The following NPC1 variants were observed in gnomAD, a reference collection of about 807,000 sequenced individuals.
NPC1 encodes the protein Niemann-Pick C1 protein.
Under a neutral mutation model 140.4 loss-of-function variants are expected in NPC1, and 85 were observed. The observed-to-expected ratio is 0.61, with a 90% CI of 0.51 to 0.72. NPC1 has a LOEUF of 0.72. Ranked by LOEUF, NPC1 falls within the 30% of genes least tolerant of loss-of-function variation. The pLI, the probability that NPC1 is intolerant of heterozygous loss-of-function variation, is 0.00. For synonymous variants in NPC1, 656 were observed against 624.8 expected (o/e 1.05, Z -0.74); for missense variants, 1,504 against 1,623.8 (o/e 0.93, Z 1.27).
downstream of NPC1, chr18:23,524,588 C>T (rs751488080): frequency 6.9e-6 from 8 of 1,165,880 alleles, no homozygotes; most frequent in African/African-American, 1.6e-5. Flanking sequence ...GAAATGACCC[C>T]TCCTTTCAAG....
intron 23 of NPC1, 65 bp from the exon 24 acceptor site, chr18:23,533,582 CT>C: frequency 6.7e-7 from 1 of 1,485,172 alleles, no homozygotes; most frequent in Non-Finnish European, 9.4e-7. Context: ...AAAACACTTC[CT>C]TACAAGGATT....
Position 23,541,349 on chromosome 18 carries a change from G to C in NPC1, c.2330C>G (p.Thr777Ser). 1 of 1,614,194 alleles carries C rather than the reference G, an allele frequency of 6.2e-7. No homozygotes were observed. Among genetic ancestry groups the C allele is most frequent in the Non-Finnish European group, 8.5e-7 (1 of 1,180,042 alleles). The change falls in exon 15 of 25, where the codon ACC becomes AGC. Residue 777 changes from threonine (T) to serine (S), a missense_variant. Transcript: ENST00000269228. ...AVFIDFLLQI[T>S]CFVSLLGLDI... ...TAACCCCAAGAGACTCACGAAACAG[G>C]TAATCTGCAGAAGAAAGTCAATGAA...
chr18:23,585,267 G>A (rs575334248), intron 1 of NPC1, among the ~76,000 whole-genome samples: 133 of 152,222 alleles, frequency 8.7e-4, no homozygotes, highest in Middle Eastern at 6.8e-3. Flanking sequence ...TTTTTAAGAC[G>A]GTGTTTCACC....
chr18:23,540,495 G>C lies in NPC1; in HGVS notation c.2557C>G (p.Leu853Val), dbSNP rs2058698893. 6.2e-7 allele frequency: 1 copy of C among 1,612,616 alleles called. No individual in the cohort carries two copies. Among genetic ancestry groups the C allele is most frequent in the Non-Finnish European group, 8.5e-7 (1 of 1,179,296 alleles). ...TCCAATCCAATATCTACTTTGTTCA[G>C]GACTGCGATGCTGAATGACAGAACA... Reference protein sequence around the residue: ...VGVLSFSIAVLNKVDIGLDQS... With the variant: ...VGVLSFSIAVVNKVDIGLDQS... Residue 853 changes from leucine (L) to valine (V), a missense_variant, in exon 17 of 25, where the codon CTG becomes GTG. Leu to Val is a conservative substitution (Grantham distance 32). Coordinates refer to ENST00000269228, the MANE Select transcript of NPC1 (RefSeq NM_000271.5).
intron 4 of NPC1, among the ~76,000 whole-genome samples, chr18:23,562,879 CAATAT>C (rs1195082472): frequency 1.3e-5 from 2 of 152,012 alleles, no homozygotes; most frequent in Non-Finnish European, 2.9e-5. Context: ...ATATAATTTA[CAATAT>C]AATTACATGT....
chr18:23,531,080 C>T (rs548178739), downstream of NPC1, among the ~76,000 whole-genome samples: 5 of 151,160 alleles, frequency 3.3e-5, no homozygotes, highest in South Asian at 2.1e-4. Flanking sequence ...CTGCAACCTC[C>T]GCTGGGTTCA....
intron 13 of NPC1, among the ~76,000 whole-genome samples, chr18:23,543,896 C>A (rs2058747082): frequency 6.6e-6 from 1 of 152,264 alleles, no homozygotes; most frequent in East Asian, 1.9e-4. Context: ...GTCTACAGGA[C>A]GACTGAGACC....
intron 10 of NPC1, among the ~76,000 whole-genome samples, chr18:23,549,170 C>G (rs2058831538): frequency 6.6e-6 from 1 of 152,176 alleles, no homozygotes; most frequent in East Asian, 1.9e-4. Context: ...AACTGCCTTC[C>G]AAAGAAGCTT....
intron 10 of NPC1, 55 bp downstream of exon 10, chr18:23,551,572 G>A: frequency 7.5e-7 from 1 of 1,338,266 alleles, no homozygotes; most frequent in Non-Finnish European, 1.1e-6. Flanking sequence ...TGATGCTAAT[G>A]ACAAAACCGA....
Position 23,586,308 on chromosome 18 carries a change from C to T in NPC1, c.36G>A (p.Leu12=), listed in dbSNP as rs1599033687. The T allele has an allele frequency of 2.0e-6, 3 of 1,534,088 alleles. No individual in the cohort carries two copies. The highest frequency in any genetic ancestry group is 2.6e-6 in the Non-Finnish European group (3 of 1,146,288). The change falls in exon 1 of 25, where the codon CTG becomes CTA. Residue 12 remains leucine, a synonymous_variant. Coordinates refer to ENST00000269228, the MANE Select transcript of NPC1 (RefSeq NM_000271.5). ...TCACCTGCGCTGGACACAGTAGCAG[C>T]AGGAGGAGGCCAAGGGCCAGGCCGC... The part of the protein sequence containing the change: ...TARGLALGLL[L]LLLCPAQVFS...
downstream of NPC1, chr18:23,528,448 G>C (rs1388036073): frequency 6.5e-6 from 1 of 153,628 alleles, no homozygotes; most frequent in Admixed American, 6.4e-5. Flanking sequence ...CAGAAGAAAA[G>C]TTTAGGACAA....
chr18:23,565,017 A>C (rs1247844735), intron 4 of NPC1, among the ~76,000 whole-genome samples: 3 of 152,196 alleles, frequency 2.0e-5, no homozygotes, highest in African/African-American at 7.2e-5. Context: ...GTTATATTCC[A>C]TTGATCTATA....
At chr18:23,568,764 A>C in intron 4 of NPC1, 59 bp downstream of exon 4, 1 of 1,373,794 alleles carries the variant, frequency 7.3e-7, no homozygotes, top group Non-Finnish European at 1.0e-6. Context: ...TAAAAGGAAC[A>C]ATTTGCTCTG....
chr18:23,522,619 T>G (rs1264665483), exon 2 of NPC1: 2 of 152,328 alleles, frequency 1.3e-5, no homozygotes, highest in South Asian at 2.1e-4. Context: ...TCAGCTCTGT[T>G]CCGGTGGTAC....
At chr18:23,543,593 ATGCGACATT>A in intron 13 of NPC1, 24 bp from the exon 14 acceptor site, 25 of 1,253,100 alleles carry the variant, frequency 2.0e-5, no homozygotes, top group Non-Finnish European at 2.9e-5. Context: ...AAAAAAAATT[ATGCGACATT>A]AAAATTTCTC....
Position 23,569,703 on chromosome 18 carries a change from G to A in NPC1, c.288-705C>T, listed in dbSNP as rs921267982. 2.0e-5 allele frequency among the ~76,000 whole-genome samples: 3 copies of A among 152,162 alleles called. No individual in the cohort carries two copies. In the East Asian group the frequency reaches 5.8e-4, roughly 29 times the overall value. On this transcript the variant is annotated intron_variant, in intron 3 of 24. Coordinates refer to ENST00000269228, the MANE Select transcript of NPC1 (RefSeq NM_000271.5). ...AACCTATTGAAAGGTTTTCTTTCAA[G>A]CCCCGGAAAATCACTAGGCCCTCCT... is the stretch of plus-strand genomic sequence containing the variant.
At chr18:23,518,755 T>C, downstream of NPC1, 1 of 707,704 alleles carries the variant, frequency 1.4e-6, no homozygotes, top group Middle Eastern at 3.0e-4. Flanking sequence ...ACTGCATGTT[T>C]CTTTGTAAAC....
downstream of NPC1, among the ~76,000 whole-genome samples, chr18:23,527,012 G>A (rs2145267268): frequency 6.6e-6 from 1 of 152,230 alleles, no homozygotes; most frequent in Non-Finnish European, 1.5e-5. Context: ...CAGGAGGGGA[G>A]TGGGCCACCA....
chr18:23,564,612 T>C (rs1206474205), intron 4 of NPC1, among the ~76,000 whole-genome samples: 1 of 152,218 alleles, frequency 6.6e-6, no homozygotes, highest in Non-Finnish European at 1.5e-5. Flanking sequence ...TGTGAGTCAC[T>C]GTGCCCGGCC....
Sources: gnomAD v4.1 joint callset for allele counts (sites outside exome capture counted in the v4.1 genomes callset) on GRCh38, gnomAD v4.1.1 for gene constraint, MANE v1.5 for transcripts, NCBI Gene and HGNC (gene_info 2026-07-23, HGNC 2026-07-21) for gene names.